Variants in ARHGAP24 observed in about 807,000 individuals in gnomAD.
ARHGAP24 encodes Rho GTPase activating protein 24.
In ARHGAP24, 50 loss-of-function variants were observed where a neutral mutation model predicts 76.4. The ratio of observed to expected loss-of-function variants is 0.65; its 90% confidence interval spans 0.52 to 0.83. The LOEUF is 0.83. Ranked by LOEUF, ARHGAP24 falls within the 40% of genes least tolerant of loss-of-function variation. The pLI, the probability that ARHGAP24 is intolerant of heterozygous loss-of-function variation, is 0.00. For synonymous variants in ARHGAP24, 345 were observed against 323.3 expected (o/e 1.07, Z -0.72); for missense variants, 930 against 914.2 (o/e 1.02, Z -0.22).
At chr4:85,682,421 G>T (rs1358860323) in intron 2 of ARHGAP24, among the ~76,000 whole-genome samples, 1 of 152,222 alleles carries the variant, frequency 6.6e-6, no homozygotes, top group African/African-American at 2.4e-5. Flanking sequence ...AGCAGGAACA[G>T]TCAGGCTTCC....
chr4:85,798,518 C>G (rs1400882113), intron 3 of ARHGAP24, among the ~76,000 whole-genome samples: 1 of 151,974 alleles, frequency 6.6e-6, no homozygotes, highest in African/African-American at 2.4e-5. Context: ...CACCTCCCCA[C>G]AATGCAAAAA....
intron 1 of ARHGAP24, among the ~76,000 whole-genome samples, chr4:85,516,211 G>T (rs904026651): frequency 6.6e-6 from 1 of 152,138 alleles, no homozygotes; most frequent in Non-Finnish European, 1.5e-5. Context: ...GTGAAGGAAG[G>T]TCTCTTATCC....
chr4:85,570,362 TTCTCTTTCTTTCTTTCTTTCTTTCTTTC>T (rs1249185928), intron 1 of ARHGAP24, among the ~76,000 whole-genome samples, 132 bp from the exon 2 acceptor site: 2 of 94,514 alleles, frequency 2.1e-5, no homozygotes, highest in Admixed American at 1.2e-4. Flanking sequence ...CTTTCTTTCT[TTCTCTTTCTTTCTTTCTTTCTTTCTTTC>T]TTTCTTTCTT....
At chr4:85,669,666 T>TG (rs200233765) in intron 2 of ARHGAP24, among the ~76,000 whole-genome samples, 5 of 63,498 alleles carry the variant, frequency 7.9e-5, no homozygotes, top group Admixed American at 2.2e-4. Flanking sequence ...TATATATATA[T>TG]ATATATATAT....
chr4:85,615,399 T>C (rs1330824671), intron 2 of ARHGAP24, among the ~76,000 whole-genome samples: 1 of 152,154 alleles, frequency 6.6e-6, no homozygotes, highest in Non-Finnish European at 1.5e-5. Context: ...TTAAAGTCAC[T>C]GAGAGACTTC....
chr4:85,536,743 G>A (rs1725485985), intron 1 of ARHGAP24, among the ~76,000 whole-genome samples: 1 of 152,128 alleles, frequency 6.6e-6, no homozygotes, highest in South Asian at 2.1e-4. Flanking sequence ...CGGGGAGATA[G>A]AGAAAAGTGA....
At chr4:85,591,686 A>G (rs767359101) in intron 2 of ARHGAP24, among the ~76,000 whole-genome samples, 95 of 152,282 alleles carry the variant, frequency 6.2e-4, no homozygotes, top group Non-Finnish European at 1.2e-3. Flanking sequence ...GCAGCGGCTC[A>G]AGATTATCCC....
intron 1 of ARHGAP24, among the ~76,000 whole-genome samples, chr4:85,504,966 C>T (rs1278348772): frequency 1.3e-5 from 2 of 152,022 alleles, no homozygotes; most frequent in African/African-American, 4.8e-5. Flanking sequence ...TTTTATTTTC[C>T]CTTCACTCAT....
Position 85,923,711 on chromosome 4 carries a change from A to G in ARHGAP24, c.332A>G (p.Asn111Ser). 2 of 1,613,972 alleles carry G rather than the reference A, an allele frequency of 1.2e-6. No individual in the cohort carries two copies. The highest frequency in any genetic ancestry group is 1.7e-6 in the Non-Finnish European group (2 of 1,179,940). The change falls in exon 4 of 10, where the codon AAT becomes AGT. Residue 111 changes from asparagine (N) to serine (S), a missense_variant. Physicochemically the swap from Asn to Ser is conservative, Grantham distance 46. Transcript: ENST00000395184. Reference sequence around the variant, plus strand: ...TACCTCCTCATGGCAAGCACCCAGAATGATATGGAAGACTGGGTGAAGTCA... The same window carrying G: ...TACCTCCTCATGGCAAGCACCCAGAGTGATATGGAAGACTGGGTGAAGTCA... ...ESYLLMASTQ[N>S]DMEDWVKSIR... is the part of the protein sequence containing the mutation.
intron 2 of ARHGAP24, among the ~76,000 whole-genome samples, chr4:85,599,548 C>T (rs868490731): frequency 9.9e-5 from 15 of 152,142 alleles, no homozygotes; most frequent in South Asian, 4.2e-4. Context: ...CAGGTGACTT[C>T]CTTTTGATGG....
At chr4:85,977,072 G>A (rs1739382757) in intron 7 of ARHGAP24, among the ~76,000 whole-genome samples, 1 of 152,106 alleles carries the variant, frequency 6.6e-6, no homozygotes, top group Admixed American at 6.5e-5. Context: ...ACAGGTGTGA[G>A]CCACCATGTC....
chr4:85,904,517 C>G (rs1255035580), intron 3 of ARHGAP24, among the ~76,000 whole-genome samples: 1 of 152,154 alleles, frequency 6.6e-6, no homozygotes, highest in African/African-American at 2.4e-5. Context: ...TATCAAATGT[C>G]TTTGAGAAAT....
chr4:85,745,012 A>G (rs1461772095), intron 3 of ARHGAP24, among the ~76,000 whole-genome samples: 1 of 152,130 alleles, frequency 6.6e-6, no homozygotes, highest in East Asian at 1.9e-4. Context: ...AATGCTCTCC[A>G]CTATTAATTC....
intron 3 of ARHGAP24, among the ~76,000 whole-genome samples, chr4:85,890,246 CT>C (rs1387760311): frequency 6.6e-6 from 1 of 152,144 alleles, no homozygotes; most frequent in East Asian, 1.9e-4. Flanking sequence ...ACTTTCATCC[CT>C]GTAGACTTCC....
chr4:85,808,013 T>G (rs1264790619), intron 3 of ARHGAP24, among the ~76,000 whole-genome samples: 1 of 152,204 alleles, frequency 6.6e-6, no homozygotes, highest in Non-Finnish European at 1.5e-5. Flanking sequence ...TTGAGAGTTT[T>G]TTATTACTAA....
At chr4:85,999,361 T>C (rs1048862109) in intron 9 of ARHGAP24, among the ~76,000 whole-genome samples, 3 of 152,254 alleles carry the variant, frequency 2.0e-5, no homozygotes, top group Admixed American at 6.5e-5. Flanking sequence ...AGTATTATTT[T>C]TTAAAATTCT....
At chr4:85,706,546 A>C (rs548725528) in intron 2 of ARHGAP24, among the ~76,000 whole-genome samples, 2 of 152,106 alleles carry the variant, frequency 1.3e-5, no homozygotes, top group South Asian at 4.2e-4. Context: ...GCTTTTCAAA[A>C]AGATGTTGTT....
chr4:85,812,395 C>T (rs1014633050), intron 3 of ARHGAP24, among the ~76,000 whole-genome samples: 2 of 151,916 alleles, frequency 1.3e-5, no homozygotes, highest in African/African-American at 2.4e-5. Context: ...ACAGTGATAT[C>T]TTGAGCTTTT....
intron 3 of ARHGAP24, among the ~76,000 whole-genome samples, chr4:85,807,206 C>T (rs2110109661): frequency 6.6e-6 from 1 of 152,130 alleles, no homozygotes; most frequent in South Asian, 2.1e-4. Flanking sequence ...GTTTGCTGCA[C>T]CCATCAACCA....
Sources: gnomAD v4.1 joint callset for allele counts (sites outside exome capture counted in the v4.1 genomes callset) on GRCh38, gnomAD v4.1.1 for gene constraint, MANE v1.5 for transcripts, NCBI Gene and HGNC (gene_info 2026-07-23, HGNC 2026-07-21) for gene names.